The following LRRC4C variants were observed in gnomAD, a reference collection of about 807,000 sequenced individuals.
The protein encoded by LRRC4C is leucine-rich repeat-containing protein 4C.
LRRC4C carries 5 observed loss-of-function variants against 33.6 expected under a neutral mutation model. The ratio of observed to expected loss-of-function variants is 0.15; its 90% CI spans 0.08 to 0.31. LRRC4C has a LOEUF of 0.31. Among genes scored for constraint, LRRC4C ranks in the 10% least tolerant of loss-of-function variants. The pLI is 1.00. For synonymous variants in LRRC4C, 329 were observed against 302.0 expected (o/e 1.09, Z -0.93); for missense variants, 560 against 796.7 (o/e 0.70, Z 3.58).
chr11:41,272,661 T>G (rs12278486), intron 1 of LRRC4C, among the ~76,000 whole-genome samples: 19,109 of 152,148 alleles, frequency 0.13, 1,342 homozygotes, highest in Middle Eastern at 0.23. Context: ...AGCGATGTTT[T>G]AAAAGAATTA....
At chr11:41,130,460 C>A (rs1942960524) in intron 1 of LRRC4C, among the ~76,000 whole-genome samples, 2 of 151,970 alleles carry the variant, frequency 1.3e-5, no homozygotes, top group Admixed American at 1.3e-4. Flanking sequence ...TGCCTCAAAT[C>A]ATACAATATC....
At chr11:40,541,662 C>A (rs539646378) in intron 3 of LRRC4C, among the ~76,000 whole-genome samples, 1 of 152,100 alleles carries the variant, frequency 6.6e-6, no homozygotes, top group Non-Finnish European at 1.5e-5. Context: ...TCCTTGGTTA[C>A]CTCCCCTGGT....
intron 1 of LRRC4C, among the ~76,000 whole-genome samples, chr11:41,014,029 G>T (rs1332212061): frequency 1.3e-5 from 2 of 152,130 alleles, no homozygotes; most frequent in East Asian, 3.9e-4. Context: ...CAACACTGGG[G>T]ATTACAACTT....
intron 3 of LRRC4C, among the ~76,000 whole-genome samples, chr11:40,644,176 A>G (rs911891907): frequency 3.3e-5 from 5 of 152,176 alleles, no homozygotes; most frequent in African/African-American, 1.2e-4. Context: ...AAGAAGATAA[A>G]CTTTGGAGTC....
chr11:40,201,983 G>C (rs1439952270), intron 5 of LRRC4C, among the ~76,000 whole-genome samples: 1 of 152,094 alleles, frequency 6.6e-6, no homozygotes, highest in Non-Finnish European at 1.5e-5. Flanking sequence ...ATTTTGGCTA[G>C]AGACCCAAGG....
chr11:40,395,458 T>G (rs566583376), intron 3 of LRRC4C, among the ~76,000 whole-genome samples: 1 of 152,260 alleles, frequency 6.6e-6, no homozygotes, highest in South Asian at 2.1e-4. Context: ...TTAGAAGAAC[T>G]GGAATGCAAT....
intron 2 of LRRC4C, among the ~76,000 whole-genome samples, chr11:40,674,045 C>A (rs138379251): frequency 2.0e-5 from 3 of 152,200 alleles, no homozygotes; most frequent in Non-Finnish European, 4.4e-5. Context: ...CAGCATATCT[C>A]TGGTCTCACA....
At chr11:40,468,680 A>G (rs907533499) in intron 3 of LRRC4C, among the ~76,000 whole-genome samples, 1 of 152,176 alleles carries the variant, frequency 6.6e-6, no homozygotes, top group Non-Finnish European at 1.5e-5. Flanking sequence ...GTGTATTTGT[A>G]TATATGTTTA....
chr11:41,140,147 C>T (rs1943440053), intron 1 of LRRC4C, among the ~76,000 whole-genome samples: 1 of 152,146 alleles, frequency 6.6e-6, no homozygotes, highest in Admixed American at 6.5e-5. Flanking sequence ...ATTACCCTCA[C>T]TTAGTGAAGA....
At chr11:40,488,336 G>T (rs1275509922) in intron 3 of LRRC4C, among the ~76,000 whole-genome samples, 2 of 151,792 alleles carry the variant, frequency 1.3e-5, no homozygotes, top group African/African-American at 4.8e-5. Context: ...ATCTTGCCTT[G>T]TAACTTTGTA....
intron 2 of LRRC4C, among the ~76,000 whole-genome samples, chr11:40,748,402 G>A (rs926326303): frequency 2.0e-5 from 3 of 151,986 alleles, no homozygotes; most frequent in Non-Finnish European, 2.9e-5. Context: ...TACAAGAAAG[G>A]CTCAAGGGAG....
chr11:40,246,645 G>GT (rs1055501642), intron 4 of LRRC4C, among the ~76,000 whole-genome samples: 53 of 151,770 alleles, frequency 3.5e-4, no homozygotes, highest in Non-Finnish European at 3.4e-4. Context: ...TATATCTTCT[G>GT]TTTTTTTTAA....
chr11:40,310,542 T>A (rs1315786626), intron 4 of LRRC4C, among the ~76,000 whole-genome samples: 2 of 152,178 alleles, frequency 1.3e-5, no homozygotes, highest in Non-Finnish European at 2.9e-5. Context: ...GCATGATTTG[T>A]GTGCTGTATC....
rs1192541697 is a variant in LRRC4C, at chr11:40,587,962, CT to C, written c.-270+60179del. 7.2e-5 allele frequency among the ~76,000 whole-genome samples: 11 copies of C among 152,182 alleles called. No homozygotes were observed. In the East Asian group the frequency reaches 1.7e-3, roughly 24 times the overall value. On this transcript the variant is annotated intron_variant, in intron 3 of 6. Coordinates refer to ENST00000528697, the MANE Select transcript of LRRC4C (RefSeq NM_001258419.2). ...CTTTTTTGGTTGTGTCTCTGCCCGG[CT>C]TTGGTATCAGAATGATGCTGGCCTC...
chr11:41,024,441 T>C (rs1856202350), intron 1 of LRRC4C, among the ~76,000 whole-genome samples: 1 of 151,702 alleles, frequency 6.6e-6, no homozygotes, highest in Admixed American at 6.6e-5. Context: ...TACTAAAGTG[T>C]TCCAGGGATG....
At chr11:40,253,483 T>C (rs1343632489) in intron 4 of LRRC4C, among the ~76,000 whole-genome samples, 1 of 152,158 alleles carries the variant, frequency 6.6e-6, no homozygotes, top group Non-Finnish European at 1.5e-5. Flanking sequence ...TCAATCTCAA[T>C]AAGCCTCAGT....
At chr11:41,042,591 C>A (rs373820950) in intron 1 of LRRC4C, among the ~76,000 whole-genome samples, 9 of 152,194 alleles carry the variant, frequency 5.9e-5, no homozygotes, top group African/African-American at 9.6e-5. Context: ...TTCTTCATCA[C>A]CTTCTATCTA....
chr11:40,504,019 A>G (rs1375610357), intron 3 of LRRC4C, among the ~76,000 whole-genome samples: 1 of 152,124 alleles, frequency 6.6e-6, no homozygotes, highest in Non-Finnish European at 1.5e-5. Context: ...AACCCTCTCC[A>G]AAGAAATTGT....
intron 3 of LRRC4C, among the ~76,000 whole-genome samples, chr11:40,531,599 A>G (rs977873692): frequency 6.6e-6 from 1 of 152,166 alleles, no homozygotes. Context: ...CACTCTTTCA[A>G]TTCAGTAAAT....
Sources: gnomAD v4.1 joint callset for allele counts (sites outside exome capture counted in the v4.1 genomes callset) on GRCh38, gnomAD v4.1.1 for gene constraint, MANE v1.5 for transcripts, NCBI Gene and HGNC (gene_info 2026-07-23, HGNC 2026-07-21) for gene names.